APLF: variants seen among roughly 807,000 people sequenced by gnomAD.
APLF encodes the protein aprataxin and PNKP like factor.
APLF carries 61 observed loss-of-function variants against 55.6 expected under a neutral mutation model. That is an observed-to-expected ratio of 1.10 (90% CI 0.89 to 1.36). The LOEUF (loss-of-function observed/expected upper bound fraction) is 1.36, where lower values mean the gene tolerates loss of function less well. Among genes scored for constraint, APLF ranks in the 40% most tolerant of loss-of-function variants. APLF has a pLI of 0.00. For missense variants in APLF, 611 were observed against 602.5 expected, an observed-to-expected ratio of 1.01 and a Z score of -0.15; for synonymous variants, 207 against 214.8, an observed-to-expected ratio of 0.96 and a Z score of 0.32.
At chr2:68,570,300 A>T (rs1011228633) in intron 9 of APLF, among the ~76,000 whole-genome samples, 8 of 144,786 alleles carry the variant, frequency 5.5e-5, no homozygotes, top group East Asian at 3.9e-4. Flanking sequence ...ATATATATAT[A>T]TTTTTATTAT....
At chr2:68,526,317 AAAGAG>A in intron 6 of APLF, 75 bp downstream of exon 6, 1 of 1,508,254 alleles carries the variant, frequency 6.6e-7, no homozygotes, top group Non-Finnish European at 9.1e-7. Flanking sequence ...TATGCTATAT[AAAGAG>A]AAATCAAAAC....
intron 3 of APLF, among the ~76,000 whole-genome samples, chr2:68,507,048 T>C (rs909948545): frequency 5.3e-5 from 8 of 151,942 alleles, no homozygotes; most frequent in South Asian, 2.1e-4. Flanking sequence ...AGGAGCAAGA[T>C]TGAGGCTGGG....
intron 6 of APLF, chr2:68,535,250 C>A: frequency 2.6e-6 from 1 of 392,058 alleles, no homozygotes. Flanking sequence ...TTTTCATTGG[C>A]TTATTTTTTA....
intron 9 of APLF, among the ~76,000 whole-genome samples, chr2:68,573,476 C>T (rs2104082242): frequency 6.6e-6 from 1 of 152,146 alleles, no homozygotes; most frequent in East Asian, 1.9e-4. Flanking sequence ...AGTTCAAGAC[C>T]AGCCTGACCA....
rs1292141602 is a variant in APLF at position 68,556,539 on chromosome 2, G to T, written c.1287-10802G>T. On this transcript the variant is annotated intron_variant, in intron 8 of 9. Transcript: ENST00000303795. ...GCTGTTCTTCCCTCTGACTCATTCA[G>T]TTCCTCTGATGAATAATAGGATTTT... 2.0e-5 allele frequency among the ~76,000 whole-genome samples: 3 copies of T among 152,140 alleles called. No individual in the cohort carries two copies. The East Asian group carries it at 5.8e-4, about 29-fold the overall frequency.
At chr2:68,547,881 CACTTA>C (rs748870662) in intron 8 of APLF, among the ~76,000 whole-genome samples, 19 of 151,728 alleles carry the variant, frequency 1.3e-4, no homozygotes, top group Non-Finnish European at 2.4e-4. Flanking sequence ...TCAGGAATTA[CACTTA>C]ACTTATTTAC....
At chr2:68,476,185 G>T (rs541186937) in intron 1 of APLF, among the ~76,000 whole-genome samples, 15 of 151,900 alleles carry the variant, frequency 9.9e-5, no homozygotes, top group Admixed American at 2.6e-4. Flanking sequence ...TCCCAATTTT[G>T]CAAGATTATA....
intron 5 of APLF, among the ~76,000 whole-genome samples, chr2:68,524,434 G>A (rs1230045427): frequency 7.2e-5 from 11 of 152,106 alleles, no homozygotes; most frequent in Non-Finnish European, 5.9e-5. Context: ...GGCCAAATTA[G>A]GCCCACTGCC....
intron 3 of APLF, among the ~76,000 whole-genome samples, chr2:68,506,809 A>G (rs981391990): frequency 3.9e-5 from 6 of 152,018 alleles, no homozygotes; most frequent in Non-Finnish European, 5.9e-5. Flanking sequence ...TCCTATAACT[A>G]TATGAAAGAG....
chr2:68,482,442 T>C (rs1675990124), intron 1 of APLF, among the ~76,000 whole-genome samples: 1 of 152,134 alleles, frequency 6.6e-6, no homozygotes, highest in African/African-American at 2.4e-5. Context: ...TTGCCAGAGA[T>C]GGGCTCGCCA....
chr2:68,474,716 T>C (rs2103875895), intron 1 of APLF, among the ~76,000 whole-genome samples: 1 of 152,320 alleles, frequency 6.6e-6, no homozygotes, highest in South Asian at 2.1e-4. Context: ...TTGCCCAGGC[T>C]GGAGTTCAAT....
intron 2 of APLF, among the ~76,000 whole-genome samples, chr2:68,495,644 CT>C (rs2103918767): frequency 6.6e-6 from 1 of 152,364 alleles, no homozygotes; most frequent in East Asian, 1.9e-4. Context: ...TGTGTGGGAC[CT>C]CCCATCCCAC....
At chr2:68,480,443 A>G (rs1349901342) in intron 1 of APLF, among the ~76,000 whole-genome samples, 1 of 151,826 alleles carries the variant, frequency 6.6e-6, no homozygotes, top group Non-Finnish European at 1.5e-5. Flanking sequence ...AGCTGGGATT[A>G]CAGGCGCCCA....
At chr2:68,489,029 CT>C (rs1171860648) in intron 1 of APLF, among the ~76,000 whole-genome samples, 1 of 151,628 alleles carries the variant, frequency 6.6e-6, no homozygotes, top group African/African-American at 2.4e-5. Flanking sequence ...TTTTTAGCCT[CT>C]TTTTTTCTGA....
intron 9 of APLF, among the ~76,000 whole-genome samples, chr2:68,571,722 A>G (rs1449606085): frequency 1.3e-5 from 2 of 152,190 alleles, no homozygotes; most frequent in Non-Finnish European, 2.9e-5. Context: ...GAAGTCAGGT[A>G]GCGTGATGCC....
chr2:68,480,252 G>A (rs1675912044), intron 1 of APLF, among the ~76,000 whole-genome samples: 1 of 151,168 alleles, frequency 6.6e-6, no homozygotes, highest in South Asian at 2.1e-4. Flanking sequence ...TTATCTACAA[G>A]CAGGGATGAT....
chr2:68,569,300 G>A (rs934799304), intron 9 of APLF, among the ~76,000 whole-genome samples: 2 of 151,986 alleles, frequency 1.3e-5, no homozygotes, highest in Admixed American at 6.6e-5. Context: ...TTTCTGCTGG[G>A]GATTATCAGG....
chr2:68,564,555 T>A (rs1671247157), intron 8 of APLF, among the ~76,000 whole-genome samples: 1 of 152,068 alleles, frequency 6.6e-6, no homozygotes, highest in Admixed American at 6.6e-5. Context: ...CTAACATTAT[T>A]TATTTAACAC....
At chr2:68,572,264 A>G (rs1671490272) in intron 9 of APLF, among the ~76,000 whole-genome samples, 1 of 152,162 alleles carries the variant, frequency 6.6e-6, no homozygotes, top group Non-Finnish European at 1.5e-5. Flanking sequence ...TAAAATATGA[A>G]TACCAACTAG....
Sources: allele counts gnomAD v4.1 joint callset (sites outside exome capture counted in the v4.1 genomes callset), GRCh38; gene constraint gnomAD v4.1.1; transcripts MANE v1.5; gene names NCBI Gene and HGNC (gene_info 2026-07-23, HGNC 2026-07-21).